PCDH9: variants seen among roughly 807,000 people sequenced by gnomAD.
The protein encoded by PCDH9 is protocadherin-9.
A neutral mutation model predicts 70.6 loss-of-function variants in PCDH9; 24 were observed. That is an observed-to-expected ratio of 0.34 (90% CI 0.25 to 0.48). The LOEUF is 0.48. PCDH9 is among the 20% of genes least tolerant of loss of function. The probability of loss-of-function intolerance (pLI) is 0.99; values close to 1 mark genes in which losing one functional copy is unlikely to be tolerated. For synonymous variants in PCDH9, 562 were observed against 558.5 expected, an observed-to-expected ratio of 1.01 and a Z score of -0.09; for missense variants, 1,281 against 1,503.6, an observed-to-expected ratio of 0.85 and a Z score of 2.45.
chr13:66,888,779 T>A (rs2082049386), intron 3 of PCDH9, among the ~76,000 whole-genome samples: 1 of 152,156 alleles, frequency 6.6e-6, no homozygotes, highest in Non-Finnish European at 1.5e-5. Flanking sequence ...CAAATTTTTA[T>A]CTGCCTTTCT....
chr13:66,481,071 T>A (rs1208411981), intron 4 of PCDH9, among the ~76,000 whole-genome samples: 1 of 151,554 alleles, frequency 6.6e-6, no homozygotes, highest in Non-Finnish European at 1.5e-5. Context: ...ACCAAACACC[T>A]CATGTTCTGA....
intron 4 of PCDH9, among the ~76,000 whole-genome samples, chr13:66,375,945 A>G (rs1216588347): frequency 2.0e-5 from 3 of 152,110 alleles, no homozygotes; most frequent in African/African-American, 7.2e-5. Context: ...AGTACAGTGC[A>G]TCTAATAAGA....
intron 4 of PCDH9, among the ~76,000 whole-genome samples, chr13:66,507,301 T>C (rs530039818): frequency 2.0e-5 from 3 of 152,228 alleles, no homozygotes; most frequent in African/African-American, 4.8e-5. Flanking sequence ...AGGCAAAATG[T>C]ATTTAAGTGA....
intron 2 of PCDH9, chr13:67,222,498 G>A (rs2089752519): frequency 6.6e-6 from 1 of 152,024 alleles, no homozygotes; most frequent in African/African-American, 2.4e-5. Flanking sequence ...AGGAATTGAT[G>A]TACCACAAAC....
At chr13:66,828,935 T>A (rs1433230387) in intron 3 of PCDH9, among the ~76,000 whole-genome samples, 9 of 152,108 alleles carry the variant, frequency 5.9e-5, no homozygotes, top group African/African-American at 1.9e-4. Flanking sequence ...GATGTTTATC[T>A]CTATTAGGTG....
At chr13:66,830,322 A>C (rs1566224818) in intron 3 of PCDH9, among the ~76,000 whole-genome samples, 1 of 152,164 alleles carries the variant, frequency 6.6e-6, no homozygotes, top group Non-Finnish European at 1.5e-5. Context: ...CATTTGGGGC[A>C]CTTTGGCTGA....
At chr13:66,835,005 T>C (rs958705763) in intron 3 of PCDH9, among the ~76,000 whole-genome samples, 3 of 152,214 alleles carry the variant, frequency 2.0e-5, no homozygotes, top group African/African-American at 7.2e-5. Flanking sequence ...TTGGGACAGA[T>C]CCATAATCAT....
intron 2 of PCDH9, chr13:67,201,366 T>C (rs2089207381): frequency 6.6e-6 from 1 of 152,054 alleles, no homozygotes; most frequent in Non-Finnish European, 1.5e-5. Context: ...CATTACTTAC[T>C]TCAAATTATA....
chr13:66,305,426 G>T (rs1955448896), intron 4 of PCDH9, among the ~76,000 whole-genome samples: 1 of 151,514 alleles, frequency 6.6e-6, no homozygotes, highest in Non-Finnish European at 1.5e-5. Flanking sequence ...ATAAAAAGTA[G>T]AACAATTTGT....
intron 3 of PCDH9, among the ~76,000 whole-genome samples, chr13:66,851,023 A>C (rs1566240525): frequency 6.6e-6 from 1 of 152,222 alleles, no homozygotes; most frequent in Non-Finnish European, 1.5e-5. Flanking sequence ...GAAATGTTGA[A>C]TTAAACCAAT....
chr13:66,711,003 A>G (rs2078785842), intron 3 of PCDH9, among the ~76,000 whole-genome samples: 1 of 152,146 alleles, frequency 6.6e-6, no homozygotes, highest in South Asian at 2.1e-4. Context: ...GTCCATTTCC[A>G]ATGTAAAACG....
chr13:66,463,758 A>T (rs1958467573), intron 4 of PCDH9, among the ~76,000 whole-genome samples: 1 of 151,810 alleles, frequency 6.6e-6, no homozygotes, highest in Non-Finnish European at 1.5e-5. Flanking sequence ...TATCGTGCTC[A>T]GACACAGAAA....
At chr13:67,042,795 T>C (rs1397926589) in intron 2 of PCDH9, among the ~76,000 whole-genome samples, 2 of 152,172 alleles carry the variant, frequency 1.3e-5, no homozygotes. Flanking sequence ...TACTAGAATT[T>C]GTCTCATTAG....
intron 4 of PCDH9, among the ~76,000 whole-genome samples, chr13:66,569,012 T>TTTTTTTC (rs2076694613): frequency 7.4e-6 from 1 of 134,412 alleles, no homozygotes. Context: ...TTTTTTTTTT[T>TTTTTTTC]TTTTTTTGAG....
At chr13:66,981,836 C>T (rs1189767487) in intron 2 of PCDH9, among the ~76,000 whole-genome samples, 1 of 151,992 alleles carries the variant, frequency 6.6e-6, no homozygotes, top group Non-Finnish European at 1.5e-5. Flanking sequence ...TGAAAATTAA[C>T]GTATCCCTAA....
intron 2 of PCDH9, among the ~76,000 whole-genome samples, chr13:67,033,564 G>A (rs1456877765): frequency 6.6e-6 from 1 of 152,054 alleles, no homozygotes; most frequent in Non-Finnish European, 1.5e-5. Context: ...TTTCTGCCTG[G>A]AATGACAGAG....
At chr13:66,712,407 A>T (rs1361211776) in intron 3 of PCDH9, among the ~76,000 whole-genome samples, 1 of 152,174 alleles carries the variant, frequency 6.6e-6, no homozygotes, top group Non-Finnish European at 1.5e-5. Flanking sequence ...TTAAAATTCA[A>T]GCCTGAATTT....
chr13:67,200,539 G>A (rs1196146929), intron 2 of PCDH9, among the ~76,000 whole-genome samples: 1 of 152,026 alleles, frequency 6.6e-6, no homozygotes, highest in Non-Finnish European at 1.5e-5. Flanking sequence ...CTATATTTAA[G>A]AGTCTAGCTT....
intron 4 of PCDH9, among the ~76,000 whole-genome samples, chr13:66,528,543 G>A (rs1293990985): frequency 6.6e-6 from 1 of 152,098 alleles, no homozygotes; most frequent in African/African-American, 2.4e-5. Context: ...CTAGTCAAAA[G>A]GAAACAATCT....
Sources: gnomAD v4.1 joint callset for allele counts (sites outside exome capture counted in the v4.1 genomes callset) on GRCh38, gnomAD v4.1.1 for gene constraint, MANE v1.5 for transcripts, NCBI Gene and HGNC (gene_info 2026-07-23, HGNC 2026-07-21) for gene names.